Variants in NPR3 observed in about 807,000 individuals in gnomAD.
NPR3 encodes natriuretic peptide receptor 3, also known as atrial natriuretic peptide receptor 3.
Under a neutral mutation model 54.5 loss-of-function variants are expected in NPR3, and 34 were observed. The ratio of observed to expected loss-of-function variants is 0.62; its 90% CI spans 0.47 to 0.83. The LOEUF is 0.83. Among genes scored for constraint, NPR3 ranks in the 40% least tolerant of loss-of-function variants. NPR3 has a pLI of 0.00. For missense variants in NPR3, 674 were observed against 720.8 expected, an observed-to-expected ratio of 0.94 and a Z score of 0.74; for synonymous variants, 289 against 297.1, an observed-to-expected ratio of 0.97 and a Z score of 0.28.
chr5:32,752,816 C>T (rs999325206), intron 3 of NPR3, among the ~76,000 whole-genome samples: 9 of 152,190 alleles, frequency 5.9e-5, no homozygotes, highest in Non-Finnish European at 1.0e-4. Flanking sequence ...AGCTAAAGAA[C>T]TATCAGTTGG....
intron 1 of NPR3, among the ~76,000 whole-genome samples, chr5:32,703,165 G>A (rs1306151475): frequency 6.6e-6 from 1 of 152,032 alleles, no homozygotes; most frequent in Non-Finnish European, 1.5e-5. Context: ...CATGGCCCAA[G>A]CACTCTTCAG....
chr5:32,740,659 A>C (rs1424742266), intron 3 of NPR3, among the ~76,000 whole-genome samples: 1 of 152,164 alleles, frequency 6.6e-6, no homozygotes, highest in African/African-American at 2.4e-5. Flanking sequence ...TCCAATTAAC[A>C]CAATATAAAC....
intron 1 of NPR3, among the ~76,000 whole-genome samples, chr5:32,716,035 G>GA (rs1248863408): frequency 6.6e-6 from 1 of 152,158 alleles, no homozygotes; most frequent in Non-Finnish European, 1.5e-5. Context: ...CACAGCAGGG[G>GA]AAAAAAGGAG....
intron 1 of NPR3, among the ~76,000 whole-genome samples, chr5:32,699,411 T>C (rs552485815): frequency 6.6e-6 from 1 of 152,224 alleles, no homozygotes; most frequent in East Asian, 1.9e-4. Context: ...ATCATCTAGG[T>C]TTTAAGCCCC....
chr5:32,710,859 G>GTTTTTTTTTT (rs56022335), upstream of NPR3: 897 of 979,278 alleles, frequency 9.2e-4, 23 homozygotes, highest in African/African-American at 0.016. Context: ...CCCAGTCCTG[G>GTTTTTTTTTT]TTTTTTTTTT....
intron 3 of NPR3, among the ~76,000 whole-genome samples, chr5:32,761,036 A>G (rs1021601684): frequency 6.6e-6 from 1 of 151,688 alleles, no homozygotes; most frequent in Non-Finnish European, 1.5e-5. Context: ...GTCTATTCTT[A>G]CACCAGTTCT....
intron 3 of NPR3, among the ~76,000 whole-genome samples, chr5:32,756,314 A>T (rs1458916484): frequency 1.3e-5 from 2 of 152,156 alleles, no homozygotes; most frequent in African/African-American, 4.8e-5. Flanking sequence ...GTGAGATGGT[A>T]TCTCATTGTG....
Position 32,790,456 on chromosome 5 carries a change from A to G in NPR3, c.*4111A>G, listed in dbSNP as rs1381438496. 13 of 167,190 alleles carry G rather than the reference A, an allele frequency of 7.8e-5. No homozygotes were observed. The highest frequency in any genetic ancestry group is 6.2e-4 in the South Asian group (3 of 4,824). The allele number at this position is 167,190 out of a possible 1,614,324, so 10.4% of individuals were successfully genotyped here. ...CCTCCATACTTCCTCGGGGGAAGAA[A>G]GAGAAACTAGTGCTGGTTTTAAGAA... On this transcript the variant is annotated 3_prime_UTR_variant, in exon 8 of 8. Transcript: ENST00000265074.
chr5:32,715,014 A>C (rs1281082460), intron 1 of NPR3, among the ~76,000 whole-genome samples: 1 of 152,196 alleles, frequency 6.6e-6, no homozygotes, highest in Non-Finnish European at 1.5e-5. Context: ...CACTGCCAGA[A>C]GAATATGAAG....
chr5:32,746,911 G>T (rs1301779681), intron 3 of NPR3, among the ~76,000 whole-genome samples: 1 of 151,962 alleles, frequency 6.6e-6, no homozygotes, highest in East Asian at 1.9e-4. Flanking sequence ...TCATATTGTT[G>T]TTGTTTAAGT....
rs979996 is a variant in NPR3, at chr5:32,786,894, A to G, written c.*549A>G. On this transcript the variant is annotated 3_prime_UTR_variant, in exon 8 of 8. Coordinates refer to ENST00000265074, the MANE Select transcript of NPR3 (RefSeq NM_001204375.2). ...ATGTCTACATTCAGGTTCTGACTTCATATCTTGAAAAAGGATTTCCTCCCT... is the reference window on the plus strand; with the variant it reads ...ATGTCTACATTCAGGTTCTGACTTCGTATCTTGAAAAAGGATTTCCTCCCT... 5,273 of 153,296 alleles carry G rather than the reference A, an allele frequency of 0.034. 313 individuals carry two copies. Among genetic ancestry groups the G allele is most frequent in the African/African-American group, 0.12 (5,026 of 41,532 alleles). 9.5% of individuals were successfully genotyped at this position (153,296 alleles called of 1,614,324 possible). A position where few individuals can be genotyped will look rare whatever the true frequency, so the allele number is the denominator to read the frequency against.
At chr5:32,741,385 C>T (rs1272946054) in intron 3 of NPR3, among the ~76,000 whole-genome samples, 1 of 152,214 alleles carries the variant, frequency 6.6e-6, no homozygotes, top group Non-Finnish European at 1.5e-5. Flanking sequence ...CACCACTGTG[C>T]TCCAGCCTGG....
intron 2 of NPR3, among the ~76,000 whole-genome samples, chr5:32,732,232 A>G (rs1233563516): frequency 3.1e-5 from 4 of 129,648 alleles, no homozygotes; most frequent in Non-Finnish European, 6.3e-5. Flanking sequence ...TGGGCGACAG[A>G]GCGAGACTCC....
At chr5:32,733,076 C>T (rs1739547483) in intron 2 of NPR3, among the ~76,000 whole-genome samples, 1 of 152,072 alleles carries the variant, frequency 6.6e-6, no homozygotes, top group Non-Finnish European at 1.5e-5. Flanking sequence ...AACTCCTGAC[C>T]TCAGATGATC....
chr5:32,752,908 CTTGT>C (rs1356043683), intron 3 of NPR3, among the ~76,000 whole-genome samples: 1 of 152,118 alleles, frequency 6.6e-6, no homozygotes, highest in Non-Finnish European at 1.5e-5. Context: ...AAAAGGGAAA[CTTGT>C]TTATTCCTCT....
In NPR3 at chr5:32,729,014, G is replaced by GT. The variant is rs769970888; in HGVS notation, c.892+4209dup. On this transcript the variant is annotated intron_variant, in intron 2 of 7. Coordinates refer to ENST00000265074, the MANE Select transcript of NPR3 (RefSeq NM_001204375.2). ...GCTGAATAATATTGTGTGCCTGTGTGTTTTTTTTTTTTTTTGTTTTGTTTT... is the reference window on the plus strand; with the variant it reads ...GCTGAATAATATTGTGTGCCTGTGTGTTTTTTTTTTTTTTTTGTTTTGTTTT... 6.3e-3 allele frequency among the ~76,000 whole-genome samples: 624 copies of GT among 98,382 alleles called. 21 individuals are homozygous for GT. Among genetic ancestry groups the GT allele is most frequent in the South Asian group, 0.034 (97 of 2,818 alleles). The allele number at this position is 98,382 out of a possible 152,430, so 64.5% of individuals were successfully genotyped here. A position where few individuals can be genotyped will look rare whatever the true frequency, so the allele number is the denominator to read the frequency against.
chr5:32,741,743 A>G (rs1740045225), intron 3 of NPR3, among the ~76,000 whole-genome samples: 1 of 151,616 alleles, frequency 6.6e-6, no homozygotes, highest in African/African-American at 2.4e-5. Context: ...CATCTTTTGT[A>G]TGTATGTAGG....
At chr5:32,751,074 G>A (rs1395631854) in intron 3 of NPR3, among the ~76,000 whole-genome samples, 3 of 152,130 alleles carry the variant, frequency 2.0e-5, no homozygotes, top group Non-Finnish European at 1.5e-5. Flanking sequence ...TGTTCCCAGT[G>A]TAAGGAGACT....
chr5:32,738,870 G>T lies in NPR3; in HGVS notation c.899G>T (p.Gly300Val), dbSNP rs759294348. Reference sequence around the variant, plus strand: ...ATTTTTATTTCTTCCATAGGAGATGGCTCATGGAAGAGAGGAGACAAACAC... The same window carrying T: ...ATTTTTATTTCTTCCATAGGAGATGTCTCATGGAAGAGAGGAGACAAACAC... ...ELFNSSSYGD[G>V]SWKRGDKHDF... is the part of the protein sequence containing the mutation. Residue 300 changes from glycine (G) to valine (V), a missense_variant, in exon 3 of 8, where the codon GGC becomes GTC. By Grantham distance (109) the Gly-to-Val change is moderately radical. Transcript: ENST00000265074. 6.2e-7 allele frequency: 1 copy of T among 1,612,748 alleles called. No homozygotes were observed. The highest frequency in any genetic ancestry group is 8.5e-7 in the Non-Finnish European group (1 of 1,179,042).
Sources: gnomAD v4.1 joint callset for allele counts (sites outside exome capture counted in the v4.1 genomes callset) on GRCh38, gnomAD v4.1.1 for gene constraint, MANE v1.5 for transcripts, NCBI Gene and HGNC (gene_info 2026-07-23, HGNC 2026-07-21) for gene names.